The following ROBO2 variants were observed in gnomAD, a reference collection of about 807,000 sequenced individuals.
ROBO2 encodes the protein roundabout guidance receptor 2.
ROBO2 carries 53 observed loss-of-function variants against 160.8 expected under a neutral mutation model. The ratio of observed to expected loss-of-function variants is 0.33; its 90% confidence interval spans 0.26 to 0.41. The LOEUF (loss-of-function observed/expected upper bound fraction) is 0.41, where lower values mean the gene tolerates loss of function less well. Ranked by LOEUF, ROBO2 falls within the 10% of genes least tolerant of loss-of-function variation. The pLI is 1.00. For synonymous variants in ROBO2, 664 were observed against 611.7 expected (o/e 1.09, Z -1.26); for missense variants, 1,577 against 1,722.4 (o/e 0.92, Z 1.49).
intron 2 of ROBO2, among the ~76,000 whole-genome samples, chr3:77,177,469 A>G (rs1412766662): frequency 6.6e-6 from 1 of 152,032 alleles, no homozygotes; most frequent in Non-Finnish European, 1.5e-5. Flanking sequence ...TTTGCATACA[A>G]TCTTGTGCAT....
In ROBO2 at chr3:77,294,783, G is replaced by A. The variant is rs140503956; in HGVS notation, c.389-182631G>A. 2.1e-3 allele frequency among the ~76,000 whole-genome samples: 312 copies of A among 150,626 alleles called. 2 individuals carry two copies. The highest frequency in any genetic ancestry group is 7.4e-3 in the African/African-American group (296 of 40,262). On this transcript the variant is annotated intron_variant, in intron 2 of 25. Coordinates refer to ENST00000461745, the Ensembl canonical transcript of ROBO2. Reference sequence around the variant, plus strand: ...ACCCCAGACACAAAGTAAAATTGACGGTTAAACGGGTAAGCTGAGGCTAGA... The same window carrying A: ...ACCCCAGACACAAAGTAAAATTGACAGTTAAACGGGTAAGCTGAGGCTAGA...
intron 2 of ROBO2, among the ~76,000 whole-genome samples, chr3:76,900,796 AT>A (rs2075164284): frequency 6.6e-6 from 1 of 152,212 alleles, no homozygotes; most frequent in South Asian, 2.1e-4. Flanking sequence ...AAGTTCCTGT[AT>A]GCAGTGAGAA....
intron 5 of ROBO2, among the ~76,000 whole-genome samples, chr3:77,518,915 G>A (rs7636964): frequency 0.79 from 120,122 of 151,412 alleles, 48,377 homozygotes; most frequent in African/African-American, 0.93. Flanking sequence ...GTTACTTTCC[G>A]TACTTACATG....
At chr3:76,338,498 A>G (rs1037769993) in intron 2 of ROBO2, among the ~76,000 whole-genome samples, 13 of 151,800 alleles carry the variant, frequency 8.6e-5, no homozygotes, top group African/African-American at 3.1e-4. Flanking sequence ...GCGTCATAAG[A>G]ATACACTGAC....
chr3:77,408,262 C>G (rs1364087495), intron 2 of ROBO2, among the ~76,000 whole-genome samples: 1 of 152,010 alleles, frequency 6.6e-6, no homozygotes, highest in Non-Finnish European at 1.5e-5. Context: ...ATTTTTAATT[C>G]CACACTAAAT....
intron 2 of ROBO2, among the ~76,000 whole-genome samples, chr3:76,231,360 C>A (rs1192828378): frequency 1.3e-5 from 2 of 152,142 alleles, no homozygotes; most frequent in Admixed American, 6.5e-5. Context: ...CACTGCTCTG[C>A]GGTTTTATGT....
intron 2 of ROBO2, among the ~76,000 whole-genome samples, chr3:75,949,216 C>G (rs932990563): frequency 5.5e-4 from 83 of 152,002 alleles, no homozygotes; most frequent in Non-Finnish European, 1.1e-3. Context: ...CTCAATATGT[C>G]TCCTTGTCAC....
intron 2 of ROBO2, among the ~76,000 whole-genome samples, chr3:76,104,823 A>G (rs2069850970): frequency 6.6e-6 from 1 of 152,182 alleles, no homozygotes; most frequent in South Asian, 2.1e-4. Context: ...GCAGTGACTT[A>G]ATAAGGAATG....
At chr3:76,449,530 G>T (rs538970645) in intron 2 of ROBO2, among the ~76,000 whole-genome samples, 1 of 152,078 alleles carries the variant, frequency 6.6e-6, no homozygotes, top group Non-Finnish European at 1.5e-5. Context: ...AACCGGACTC[G>T]ATTTAACTGG....
chr3:76,044,808 C>A (rs144291953), intron 2 of ROBO2, among the ~76,000 whole-genome samples: 1 of 151,940 alleles, frequency 6.6e-6, no homozygotes, highest in Admixed American at 6.6e-5. Context: ...GAGGGACTTG[C>A]GTTAGGTAAG....
intron 2 of ROBO2, among the ~76,000 whole-genome samples, chr3:77,303,651 A>T (rs577638280): frequency 6.6e-6 from 1 of 152,260 alleles, no homozygotes; most frequent in East Asian, 1.9e-4. Context: ...TATTTTGTAC[A>T]TAATGGGTGG....
intron 2 of ROBO2, among the ~76,000 whole-genome samples, chr3:77,156,642 G>A (rs2078034047): frequency 6.7e-6 from 1 of 149,284 alleles, no homozygotes; most frequent in Non-Finnish European, 1.5e-5. Flanking sequence ...TAATATTGCA[G>A]GCATTTTACT....
intron 2 of ROBO2, among the ~76,000 whole-genome samples, chr3:76,203,227 C>T (rs186223910): frequency 6.6e-6 from 1 of 152,184 alleles, no homozygotes; most frequent in Admixed American, 6.5e-5. Context: ...CGGACTCCAT[C>T]AATGGCCTTC....
At chr3:76,961,247 G>GAAAAAAA (rs371889909) in intron 2 of ROBO2, among the ~76,000 whole-genome samples, 8 of 54,440 alleles carry the variant, frequency 1.5e-4, no homozygotes, top group East Asian at 6.4e-4. Flanking sequence ...GTGCCACAGA[G>GAAAAAAA]AAAAAAAAAA....
At chr3:75,967,258 G>T (rs1319155728) in intron 2 of ROBO2, among the ~76,000 whole-genome samples, 1 of 151,564 alleles carries the variant, frequency 6.6e-6, no homozygotes, top group Non-Finnish European at 1.5e-5. Flanking sequence ...ATTTGAGATA[G>T]TTCATATCCC....
intron 1 of ROBO2, among the ~76,000 whole-genome samples, chr3:75,912,029 A>C (rs971704609): frequency 6.6e-6 from 1 of 152,182 alleles, no homozygotes; most frequent in Non-Finnish European, 1.5e-5. Flanking sequence ...CCCACATATT[A>C]TGTCCAAGTT....
chr3:76,499,285 T>TA (rs1046456468), intron 2 of ROBO2, among the ~76,000 whole-genome samples: 7 of 152,170 alleles, frequency 4.6e-5, no homozygotes, highest in African/African-American at 1.7e-4. Flanking sequence ...AATACAGGAA[T>TA]AAAAAAACTT....
chr3:77,074,940 G>T (rs1462408220), intron 1 of ROBO2, among the ~76,000 whole-genome samples: 2 of 152,074 alleles, frequency 1.3e-5, no homozygotes, highest in Non-Finnish European at 2.9e-5. Flanking sequence ...AAGATGGCAG[G>T]CTTCATATTT....
intron 2 of ROBO2, among the ~76,000 whole-genome samples, chr3:76,149,494 A>G (rs893605814): frequency 6.6e-6 from 1 of 151,960 alleles, no homozygotes; most frequent in African/African-American, 2.4e-5. Flanking sequence ...AAAACACATC[A>G]TCTGTCTGAA....
Sources: gnomAD v4.1 joint callset for allele counts (sites outside exome capture counted in the v4.1 genomes callset) on GRCh38, gnomAD v4.1.1 for gene constraint, MANE v1.5 for transcripts, NCBI Gene and HGNC (gene_info 2026-07-23, HGNC 2026-07-21) for gene names.